Variants in CDK8 observed in about 807,000 individuals in gnomAD.
The protein encoded by CDK8 is cyclin-dependent kinase 8.
In CDK8, 29 loss-of-function variants were observed where a neutral mutation model predicts 71.5. That is an observed-to-expected ratio of 0.41 (90% confidence interval 0.30 to 0.55). CDK8 has a LOEUF of 0.55. Ranked by LOEUF, CDK8 falls within the 20% of genes least tolerant of loss-of-function variation. CDK8 has a pLI of 0.37. For missense variants in CDK8, 288 were observed against 572.6 expected (o/e 0.50, Z 5.07); for synonymous variants, 161 against 192.1 (o/e 0.84, Z 1.34).
intron 1 of CDK8, among the ~76,000 whole-genome samples, chr13:26,284,440 T>C (rs952122775): frequency 2.4e-4 from 36 of 151,990 alleles, no homozygotes; most frequent in African/African-American, 8.7e-4. Context: ...CAATTAGAAA[T>C]GAAATGGGAA....
chr13:26,323,334 AGAGAGG>A (rs57361188), intron 1 of CDK8, among the ~76,000 whole-genome samples: 112,062 of 128,038 alleles, frequency 0.88, 49,249 homozygotes, highest in Non-Finnish European at 0.92. Flanking sequence ...AGAGGGAGAG[AGAGAGG>A]GAGAGGGAGA....
chr13:26,308,526 A>G (rs1874141892), intron 1 of CDK8, among the ~76,000 whole-genome samples: 1 of 152,374 alleles, frequency 6.6e-6, no homozygotes, highest in South Asian at 2.1e-4. Context: ...AATAGATAAG[A>G]TATGCCTTCA....
intron 1 of CDK8, among the ~76,000 whole-genome samples, chr13:26,313,274 A>G (rs1293271347): frequency 2.6e-5 from 4 of 152,220 alleles, no homozygotes; most frequent in Admixed American, 2.6e-4. Flanking sequence ...TGTGCTAAGT[A>G]CTAAGAATGA....
intron 6 of CDK8, among the ~76,000 whole-genome samples, chr13:26,388,583 T>G (rs148283199): frequency 1.2e-3 from 178 of 152,322 alleles, no homozygotes; most frequent in African/African-American, 4.1e-3. Flanking sequence ...AGACTTGAAT[T>G]TATTTAAATT....
chr13:26,319,574 A>G lies in CDK8; in HGVS notation c.129-17993A>G, dbSNP rs564156784. 1.5e-4 allele frequency among the ~76,000 whole-genome samples: 23 copies of G among 152,312 alleles called. No homozygotes were observed. The East Asian group carries it at 3.3e-3, about 22-fold the overall frequency. On this transcript the variant is annotated intron_variant, in intron 1 of 12. Coordinates refer to ENST00000381527, the MANE Select transcript of CDK8 (RefSeq NM_001260.3). ...TGAAAGAAACTGAAGACATAAGTCG[A>G]TGGAAACATATCCTATGTTCATGAA...
chr13:26,400,157 AT>A, intron 9 of CDK8: 1 of 267,960 alleles, frequency 3.7e-6, no homozygotes, highest in Non-Finnish European at 7.0e-6. Context: ...AAATACACAA[AT>A]TTTGGTCCTG....
intron 8 of CDK8, among the ~76,000 whole-genome samples, chr13:26,396,704 C>G (rs375688891): frequency 3.9e-5 from 6 of 152,070 alleles, no homozygotes; most frequent in East Asian, 3.8e-4. Flanking sequence ...GCTCACCAAT[C>G]TAGGTTACAG....
chr13:26,293,418 C>T (rs973004393), intron 1 of CDK8, among the ~76,000 whole-genome samples: 2 of 151,874 alleles, frequency 1.3e-5, no homozygotes, highest in Admixed American at 1.3e-4. Flanking sequence ...GCCTGGGCAA[C>T]ACAGTGAAAC....
intron 1 of CDK8, among the ~76,000 whole-genome samples, chr13:26,283,603 G>A (rs1468859350): frequency 4.3e-5 from 6 of 140,830 alleles, no homozygotes; most frequent in South Asian, 2.3e-4. Context: ...ATGAGACTCC[G>A]TCTCAAAAAA....
chr13:26,292,720 T>C (rs1055294295), intron 1 of CDK8, among the ~76,000 whole-genome samples: 1 of 152,196 alleles, frequency 6.6e-6, no homozygotes, highest in Admixed American at 6.5e-5. Context: ...AGTGATACTT[T>C]GGCTGGATAT....
At chr13:26,277,370 C>T (rs1390864972) in intron 1 of CDK8, among the ~76,000 whole-genome samples, 5 of 152,140 alleles carry the variant, frequency 3.3e-5, no homozygotes, top group African/African-American at 1.2e-4. Context: ...ACTGTTATTG[C>T]CCTGGCTAGG....
chr13:26,284,423 A>G lies in CDK8; in HGVS notation c.128+29654A>G, dbSNP rs565350109. Among the ~76,000 whole-genome samples, 23 of 152,346 alleles carry G rather than the reference A, an allele frequency of 1.5e-4. No individual in the cohort carries two copies. The South Asian group carries it at 4.6e-3, about 30-fold the overall frequency. Reference sequence around the variant, plus strand: ...AGATTAACCAAGAAGAGAGATGTAAATAAGCTCAATTAGAAATGAAATGGG... The same window carrying G: ...AGATTAACCAAGAAGAGAGATGTAAGTAAGCTCAATTAGAAATGAAATGGG... On this transcript the variant is annotated intron_variant, in intron 1 of 12. Coordinates refer to ENST00000381527, the MANE Select transcript of CDK8 (RefSeq NM_001260.3).
chr13:26,347,621 A>C (rs994248884), intron 2 of CDK8, among the ~76,000 whole-genome samples: 3 of 152,220 alleles, frequency 2.0e-5, no homozygotes, highest in African/African-American at 7.2e-5. Flanking sequence ...AATGGGCAAA[A>C]GACATACTAA....
chr13:26,285,096 G>C (rs1338814077), intron 1 of CDK8, among the ~76,000 whole-genome samples: 1 of 152,038 alleles, frequency 6.6e-6, no homozygotes, highest in Non-Finnish European at 1.5e-5. Flanking sequence ...AAAGTTAGCC[G>C]GGCGTGGTGG....
At chr13:26,306,721 T>C (rs1203976692) in intron 1 of CDK8, among the ~76,000 whole-genome samples, 6 of 151,026 alleles carry the variant, frequency 4.0e-5, no homozygotes. Flanking sequence ...CTCCGCCTCC[T>C]GGGTTCAAGC....
intron 1 of CDK8, among the ~76,000 whole-genome samples, chr13:26,320,255 A>C (rs1020217035): frequency 6.6e-6 from 1 of 150,582 alleles, no homozygotes; most frequent in African/African-American, 2.4e-5. Context: ...TTAAAAAAGA[A>C]AAAAAAAAGG....
chr13:26,296,235 G>A (rs373788955), intron 1 of CDK8, among the ~76,000 whole-genome samples: 1 of 152,250 alleles, frequency 6.6e-6, no homozygotes, highest in Admixed American at 6.5e-5. Context: ...GGATCGAAAG[G>A]TTATAAGCAC....
intron 1 of CDK8, among the ~76,000 whole-genome samples, chr13:26,265,797 A>G (rs975474607): frequency 2.0e-5 from 3 of 152,170 alleles, no homozygotes; most frequent in Non-Finnish European, 4.4e-5. Context: ...ATTGTTGTAA[A>G]TCAAGTCATG....
rs1319244097 is a variant in CDK8 at position 26,360,803 on chromosome 13, C to T, written c.456+6923C>T. The stretch of plus-strand genomic sequence containing the variant: ...TGCATATCTACAGACACATGCATAT[C>T]CTTTTGCATTTCTTTTTACTACCCT... On this transcript the variant is annotated intron_variant, in intron 4 of 12. Coordinates refer to ENST00000381527, the MANE Select transcript of CDK8 (RefSeq NM_001260.3). Among the ~76,000 whole-genome samples the T allele has an allele frequency of 5.9e-5, 9 of 152,260 alleles. No homozygotes were observed. In the East Asian group the frequency reaches 1.2e-3, roughly 20 times the overall value.
Sources: allele counts gnomAD v4.1 joint callset (sites outside exome capture counted in the v4.1 genomes callset), GRCh38; gene constraint gnomAD v4.1.1; transcripts MANE v1.5; gene names NCBI Gene and HGNC (gene_info 2026-07-23, HGNC 2026-07-21).